WIPF3: variants seen among roughly 807,000 people sequenced by gnomAD.
The protein encoded by WIPF3 is WAS/WASL-interacting protein family member 3.
WIPF3 carries 33 observed loss-of-function variants against 38.9 expected under a neutral mutation model. The observed-to-expected ratio is 0.85, with a 90% CI of 0.64 to 1.14. The LOEUF is 1.14. WIPF3 is among the 50% of genes most tolerant of loss of function. WIPF3 has a pLI of 0.00. For missense variants in WIPF3, 711 were observed against 652.5 expected, an observed-to-expected ratio of 1.09 and a Z score of -0.98; for synonymous variants, 324 against 269.3, an observed-to-expected ratio of 1.20 and a Z score of -1.99.
chr7:29,811,283 T>C (rs1380429396), intron 1 of WIPF3, among the ~76,000 whole-genome samples: 1 of 151,468 alleles, frequency 6.6e-6, no homozygotes, highest in Non-Finnish European at 1.5e-5. Context: ...ATGATGATGA[T>C]GATGATGATC....
At chr7:29,839,243 G>T (rs1435150136) in intron 2 of WIPF3, among the ~76,000 whole-genome samples, 1 of 152,120 alleles carries the variant, frequency 6.6e-6, no homozygotes, top group Non-Finnish European at 1.5e-5. Flanking sequence ...TCTATTTGTG[G>T]CACTGGACAA....
At chr7:29,858,274 G>T (rs1049511319) in intron 2 of WIPF3, among the ~76,000 whole-genome samples, 1 of 152,102 alleles carries the variant, frequency 6.6e-6, no homozygotes, top group Non-Finnish European at 1.5e-5. Context: ...TCTTTAAATG[G>T]CTTCTCCCCT....
intron 2 of WIPF3, among the ~76,000 whole-genome samples, chr7:29,866,145 C>T (rs1283592812): frequency 6.6e-6 from 1 of 152,050 alleles, no homozygotes; most frequent in African/African-American, 2.4e-5. Flanking sequence ...CGCGACAGAG[C>T]AAGACTCTGT....
intron 2 of WIPF3, among the ~76,000 whole-genome samples, chr7:29,860,833 T>C (rs1785261846): frequency 6.6e-6 from 1 of 152,170 alleles, no homozygotes; most frequent in Admixed American, 6.5e-5. Flanking sequence ...CAGGGAATTG[T>C]TGGTTTTAAG....
chr7:29,814,899 C>T (rs892244057), intron 1 of WIPF3, among the ~76,000 whole-genome samples: 1 of 152,202 alleles, frequency 6.6e-6, no homozygotes, highest in Non-Finnish European at 1.5e-5. Flanking sequence ...GGCCCCTTTC[C>T]TATGTGGCTG....
chr7:29,873,971 G>T (rs28503499), intron 2 of WIPF3, among the ~76,000 whole-genome samples: 45,270 of 152,058 alleles, frequency 0.3, 7,139 homozygotes, highest in African/African-American at 0.38. Context: ...AGCAAGGATT[G>T]ATAAATACTA....
At chr7:29,845,128 T>C (rs1190210515) in intron 2 of WIPF3, among the ~76,000 whole-genome samples, 3 of 151,624 alleles carry the variant, frequency 2.0e-5, no homozygotes, top group Non-Finnish European at 4.4e-5. Flanking sequence ...AAAAACATAT[T>C]GCATATTGTC....
At chr7:29,882,581 G>A (rs1450357821) in intron 4 of WIPF3, among the ~76,000 whole-genome samples, 4 of 152,150 alleles carry the variant, frequency 2.6e-5, no homozygotes, top group Admixed American at 1.3e-4. Flanking sequence ...CTGCTAGGCC[G>A]TGCTTTGATT....
At chr7:29,806,909 C>G (rs952332575) in intron 1 of WIPF3, among the ~76,000 whole-genome samples, 26 of 151,252 alleles carry the variant, frequency 1.7e-4, no homozygotes, top group African/African-American at 6.3e-4. Context: ...CACGCCGCCC[C>G]GGCCGGGCCG....
chr7:29,893,835 T>G (rs1320462588), intron 7 of WIPF3, among the ~76,000 whole-genome samples: 1 of 152,124 alleles, frequency 6.6e-6, no homozygotes, highest in East Asian at 1.9e-4. Context: ...AGCTTTCCCT[T>G]ACACCCACCT....
intron 7 of WIPF3, among the ~76,000 whole-genome samples, chr7:29,892,501 C>T (rs1786044462): frequency 6.6e-6 from 1 of 152,198 alleles, no homozygotes; most frequent in Non-Finnish European, 1.5e-5. Flanking sequence ...CGTCATGGAC[C>T]CTGCAGTGGA....
At chr7:29,894,758 C>G (rs1346336856) in intron 7 of WIPF3, among the ~76,000 whole-genome samples, 1 of 122,762 alleles carries the variant, frequency 8.1e-6, no homozygotes, top group Non-Finnish European at 1.8e-5. Context: ...TGCTGTCTCT[C>G]TTTCTGACAC....
intron 7 of WIPF3, among the ~76,000 whole-genome samples, chr7:29,891,807 A>C (rs1786030555): frequency 6.6e-6 from 1 of 152,180 alleles, no homozygotes; most frequent in Non-Finnish European, 1.5e-5. Flanking sequence ...TAGAGTGCCA[A>C]GGGGGTGCAG....
chr7:29,859,738 G>A (rs1037978330), intron 2 of WIPF3, among the ~76,000 whole-genome samples: 1 of 152,124 alleles, frequency 6.6e-6, no homozygotes, highest in Non-Finnish European at 1.5e-5. Flanking sequence ...GGAAACCCCA[G>A]CTGATATCTG....
intron 7 of WIPF3, among the ~76,000 whole-genome samples, chr7:29,890,382 A>AAT (rs1785980980): frequency 7.0e-6 from 1 of 143,370 alleles, no homozygotes; most frequent in African/African-American, 2.6e-5. Flanking sequence ...AGAGAGAGAG[A>AAT]GAATGAGGTG....
intron 7 of WIPF3, among the ~76,000 whole-genome samples, chr7:29,890,531 C>T (rs1378320939): frequency 6.6e-6 from 1 of 152,206 alleles, no homozygotes; most frequent in Admixed American, 6.5e-5. Context: ...CCTCTGTGGA[C>T]CCAGATGGAA....
At chr7:29,914,107 C>T (rs2128082585) in intron 8 of WIPF3, among the ~76,000 whole-genome samples, 1 of 152,298 alleles carries the variant, frequency 6.6e-6, no homozygotes, top group South Asian at 2.1e-4. Context: ...GTGGTCAGTG[C>T]ATGGGGTGGG....
intron 1 of WIPF3, among the ~76,000 whole-genome samples, chr7:29,826,343 G>T (rs556940554): frequency 6.6e-6 from 1 of 152,094 alleles, no homozygotes; most frequent in Non-Finnish European, 1.5e-5. Context: ...TAGAAATGCA[G>T]AATCCCAGGC....
intron 1 of WIPF3, among the ~76,000 whole-genome samples, chr7:29,820,971 C>T (rs776834758): frequency 3.9e-5 from 6 of 152,168 alleles, no homozygotes; most frequent in Non-Finnish European, 7.4e-5. Flanking sequence ...TTTCCGATAG[C>T]GTATTTCCAT....
Sources: allele counts gnomAD v4.1 joint callset (sites outside exome capture counted in the v4.1 genomes callset), GRCh38; gene constraint gnomAD v4.1.1; transcripts MANE v1.5; gene names NCBI Gene and HGNC (gene_info 2026-07-23, HGNC 2026-07-21).